PCDHGB4: variants seen among roughly 807,000 people sequenced by gnomAD.
The protein encoded by PCDHGB4 is protocadherin gamma subfamily B, 4.
In PCDHGB4, 38 loss-of-function variants were observed where a neutral mutation model predicts 60.5. The ratio of observed to expected loss-of-function variants is 0.63; its 90% CI spans 0.48 to 0.82. The LOEUF is 0.82. PCDHGB4 is among the 40% of genes least tolerant of loss of function. PCDHGB4 has a pLI of 0.00. For synonymous variants in PCDHGB4, 456 were observed against 509.7 expected, an observed-to-expected ratio of 0.89 and a Z score of 1.42; for missense variants, 1,109 against 1,209.6, an observed-to-expected ratio of 0.92 and a Z score of 1.23.
At chr5:141,397,591 A>G (rs1202251855) in intron 1 of PCDHGB4, among the ~76,000 whole-genome samples, 1 of 152,204 alleles carries the variant, frequency 6.6e-6, no homozygotes, top group Non-Finnish European at 1.5e-5. Flanking sequence ...ATTAATTATT[A>G]TATTGCCAGT....
At position 141,485,184 on chromosome 5, in the gene PCDHGB4, A is replaced by G. The variant is rs1415940980; in HGVS notation, c.2398-9623A>G. ...TAGCGGGCGGCAGCAATGCTCCGCA[A>G]GGTGAGAAGCTGGACAGAAATCTGG... On this transcript the variant is annotated intron_variant, in intron 1 of 3. Transcript: ENST00000519479. This position sits in a 1 kb window ranked among gnomAD's most constrained non-coding sequence, Gnocchi z 5.7. The G allele has an allele frequency of 6.2e-7, 1 of 1,613,152 alleles. No individual in the cohort carries two copies. The highest frequency in any genetic ancestry group is 1.3e-5 in the African/African-American group (1 of 74,938).
Position 141,489,806 on chromosome 5 carries a change from A to G in PCDHGB4, c.2398-5001A>G. 1 of 1,614,198 alleles carries G rather than the reference A, an allele frequency of 6.2e-7. No homozygotes were observed. Among genetic ancestry groups the G allele is most frequent in the South Asian group, 1.1e-5 (1 of 91,082 alleles). Reference sequence around the variant, plus strand: ...AATGTGAAGACCCTAAAAGATGGGAAGCCATTCCCAGAGCTGGTGCTAGAG... The same window carrying G: ...AATGTGAAGACCCTAAAAGATGGGAGGCCATTCCCAGAGCTGGTGCTAGAG... On this transcript the variant is annotated intron_variant, in intron 1 of 3. Coordinates refer to ENST00000519479, the MANE Select transcript of PCDHGB4 (RefSeq NM_003736.4). The surrounding 1 kb of genome is among the most constrained non-coding windows in gnomAD (Gnocchi z 4.5).
chr5:141,470,476 A>G (rs1009129571), intron 1 of PCDHGB4, among the ~76,000 whole-genome samples: 7 of 152,128 alleles, frequency 4.6e-5, no homozygotes, highest in African/African-American at 1.7e-4. Context: ...GATATTACTA[A>G]CCCTCTGGGA....
chr5:141,432,463 C>A lies in PCDHGB4; in HGVS notation c.2397+42182C>A, dbSNP rs781407406. On this transcript the variant is annotated intron_variant, in intron 1 of 3. Transcript: ENST00000519479. The surrounding 1 kb of genome is among the most constrained non-coding windows in gnomAD (Gnocchi z 6.0). Reference sequence around the variant, plus strand: ...CCGAGATCCTGTACCCCGCCCTCCCCACGGACGGTTCCACTGGCGTGGAGC... The same window carrying A: ...CCGAGATCCTGTACCCCGCCCTCCCAACGGACGGTTCCACTGGCGTGGAGC... The A allele has an allele frequency of 5.6e-6, 9 of 1,614,120 alleles. No homozygotes were observed. In the Admixed American group the frequency reaches 1.3e-4, roughly 24 times the overall value.
chr5:141,495,276 G>A (rs1350329744), intron 2 of PCDHGB4, among the ~76,000 whole-genome samples: 1 of 152,190 alleles, frequency 6.6e-6, no homozygotes, highest in East Asian at 1.9e-4. Flanking sequence ...GACCGGAGGA[G>A]GCGGTCCGCA....
chr5:141,423,730 A>G, intron 1 of PCDHGB4: 1 of 831,022 alleles, frequency 1.2e-6, no homozygotes. Flanking sequence ...ATGTTTTTTG[A>G]GCCTGTTATG....
chr5:141,450,107 A>G (rs1228532939), intron 1 of PCDHGB4, among the ~76,000 whole-genome samples: 3 of 150,976 alleles, frequency 2.0e-5, no homozygotes, highest in Non-Finnish European at 4.4e-5. Flanking sequence ...CCCAGGTTCA[A>G]ATGATTCTCC....
chr5:141,478,987 G>T (rs1007857792), intron 1 of PCDHGB4, among the ~76,000 whole-genome samples: 8 of 152,144 alleles, frequency 5.3e-5, no homozygotes, highest in African/African-American at 1.4e-4. Flanking sequence ...TGTGACATTT[G>T]TATTAAAACT....
At chr5:141,407,812 T>C (rs1191426791) in intron 1 of PCDHGB4, among the ~76,000 whole-genome samples, 1 of 152,226 alleles carries the variant, frequency 6.6e-6, no homozygotes, top group Non-Finnish European at 1.5e-5. Context: ...AAATATCTAC[T>C]ATAATATTAT....
At chr5:141,461,602 A>G (rs971808608) in intron 1 of PCDHGB4, among the ~76,000 whole-genome samples, 2 of 152,172 alleles carry the variant, frequency 1.3e-5, no homozygotes, top group African/African-American at 4.8e-5. Flanking sequence ...ATTATAATTT[A>G]GTTCAAAGTA....
rs372054375 is a variant in PCDHGB4, at chr5:141,490,825, A to T, written c.2398-3982A>T. 9 of 1,613,692 alleles carry T rather than the reference A, an allele frequency of 5.6e-6. No individual in the cohort carries two copies. The highest frequency in any genetic ancestry group is 3.3e-4 in the Middle Eastern group (2 of 6,062). On this transcript the variant is annotated intron_variant, in intron 1 of 3. Transcript: ENST00000519479. This position sits in a 1 kb window ranked among gnomAD's most constrained non-coding sequence, Gnocchi z 5.4. ...TACCTTTGACTATGAATTGCTGCAG[A>T]TGCTGCAGATTGTGGTGGGGGTTCG... is the stretch of plus-strand genomic sequence containing the variant.
intron 1 of PCDHGB4, chr5:141,423,780 T>C: frequency 8.0e-7 from 1 of 1,243,766 alleles, no homozygotes; most frequent in Non-Finnish European, 1.0e-6. Flanking sequence ...ATATATTTAG[T>C]TCATATATAT....
intron 1 of PCDHGB4, among the ~76,000 whole-genome samples, chr5:141,458,988 C>G (rs996478276): frequency 6.6e-6 from 1 of 152,208 alleles, no homozygotes; most frequent in African/African-American, 2.4e-5. Flanking sequence ...CTGCCTCACC[C>G]TCCCAAAGTG....
At chr5:141,408,797 C>T (rs965305130) in intron 1 of PCDHGB4, 1 of 1,612,958 alleles carries the variant, frequency 6.2e-7, no homozygotes, top group African/African-American at 1.3e-5. Flanking sequence ...TCTGGAGAAA[C>T]TCCTAGACCG....
intron 1 of PCDHGB4, among the ~76,000 whole-genome samples, chr5:141,465,683 A>G (rs2099107378): frequency 6.6e-6 from 1 of 152,236 alleles, no homozygotes; most frequent in African/African-American, 2.4e-5. Context: ...GCTCTTGACC[A>G]GTCTGCTTTT....
intron 1 of PCDHGB4, among the ~76,000 whole-genome samples, chr5:141,453,357 C>T (rs1027586816): frequency 1.3e-5 from 2 of 152,002 alleles, no homozygotes; most frequent in Admixed American, 6.6e-5. Flanking sequence ...TGACCCTGAA[C>T]TCCTGGGGTC....
chr5:141,490,488 C>A lies in PCDHGB4; in HGVS notation c.2398-4319C>A, dbSNP rs142637733. 6.2e-7 allele frequency: 1 copy of A among 1,614,018 alleles called. No homozygotes were observed. Among genetic ancestry groups the A allele is most frequent in the African/African-American group, 1.3e-5 (1 of 74,904 alleles). ...CCAGCCAGCCTTTGGACCGGGAGGC[C>A]ACATCCCACTATATCATCGAGCTGC... On this transcript the variant is annotated intron_variant, in intron 1 of 3. Coordinates refer to ENST00000519479, the MANE Select transcript of PCDHGB4 (RefSeq NM_003736.4). The surrounding 1 kb of genome is among the most constrained non-coding windows in gnomAD (Gnocchi z 5.4).
intron 1 of PCDHGB4, chr5:141,393,417 A>G (rs2092754726): frequency 6.2e-6 from 10 of 1,614,032 alleles, no homozygotes; most frequent in Non-Finnish European, 8.5e-6. Flanking sequence ...CGCCCTGGAC[A>G]GGGAGGAAGA....
intron 1 of PCDHGB4, chr5:141,398,979 C>T (rs769465343): frequency 1.9e-6 from 3 of 1,613,778 alleles, no homozygotes; most frequent in African/African-American, 1.3e-5. Context: ...TCTACAGAAC[C>T]GGGCAAATCT....
Sources: allele counts gnomAD v4.1 joint callset (sites outside exome capture counted in the v4.1 genomes callset), GRCh38; gene constraint gnomAD v4.1.1; non-coding constraint Gnocchi (gnomAD v3.1); transcripts MANE v1.5; gene names NCBI Gene and HGNC (gene_info 2026-07-23, HGNC 2026-07-21).